Variants in SWT1 observed in about 807,000 individuals in gnomAD.
SWT1 encodes SWT1 RNA endoribonuclease homolog.
A neutral mutation model predicts 107.3 loss-of-function variants in SWT1; 33 were observed. That is an observed-to-expected ratio of 0.31 (90% CI 0.23 to 0.41). The LOEUF (loss-of-function observed/expected upper bound fraction) is 0.41. Among genes scored for constraint, SWT1 ranks in the 10% least tolerant of loss-of-function variants. The pLI is 1.00. For missense variants in SWT1, 898 were observed against 1,028.9 expected, an observed-to-expected ratio of 0.87 and a Z score of 1.74; for synonymous variants, 345 against 348.3, an observed-to-expected ratio of 0.99 and a Z score of 0.11.
intron 16 of SWT1, among the ~76,000 whole-genome samples, chr1:185,233,766 C>T (rs775588145): frequency 1.1e-4 from 16 of 152,160 alleles, no homozygotes; most frequent in African/African-American, 1.9e-4. Context: ...TTTTTTGAGA[C>T]GGAGTCTTGC....
chr1:185,264,271 CATTTT>C, intron 16 of SWT1: 1 of 838,994 alleles, frequency 1.2e-6, no homozygotes, highest in Non-Finnish European at 1.4e-6. Flanking sequence ...TTTTGCTTTT[CATTTT>C]TCTTGATTTC....
intron 18 of SWT1, among the ~76,000 whole-genome samples, chr1:185,289,349 AG>A (rs1665121982): frequency 6.6e-6 from 1 of 152,254 alleles, no homozygotes; most frequent in African/African-American, 2.4e-5. Context: ...TGCCACCAAC[AG>A]GCAAAGCTGG....
rs201395807 is a variant in SWT1 at position 185,174,489 on chromosome 1, T to A, written c.342T>A (p.Ser114Arg). ...ATGATAATCAAATTATTTTGCAGAG[T>A]CCTTCTTCAAATGGAACTAAAAAAG... The part of the protein sequence containing the change: ...YSNDNQIILQ[S>R]PSSNGTKKDI... Residue 114 changes from serine (S) to arginine (R), a missense_variant, in exon 5 of 19, where the codon AGT becomes AGA. Transcript: ENST00000367500. 2.1e-5 allele frequency: 34 copies of A among 1,611,188 alleles called. No homozygotes were observed. The highest frequency in any genetic ancestry group is 2.5e-5 in the Non-Finnish European group (29 of 1,179,140).
intron 16 of SWT1, among the ~76,000 whole-genome samples, chr1:185,248,858 A>C (rs911385619): frequency 6.6e-6 from 1 of 151,728 alleles, no homozygotes; most frequent in South Asian, 2.1e-4. Flanking sequence ...AATAAATTCC[A>C]TACCATATGG....
intron 16 of SWT1, among the ~76,000 whole-genome samples, chr1:185,254,777 C>A (rs1281480773): frequency 6.7e-6 from 1 of 150,018 alleles, no homozygotes; most frequent in Non-Finnish European, 1.5e-5. Flanking sequence ...GTCTCTATTT[C>A]CTTCAGTTCT....
In SWT1 at chr1:185,182,156, A is replaced by G. The variant is rs1030640889; in HGVS notation, c.1138+99A>G. On this transcript the variant is annotated intron_variant, in intron 7 of 18. Transcript: ENST00000367500. ...TAATATTTAGATGAAAAATGTTAAA[A>G]TGTGCTCACTTGAAATGAATGATAA... is the stretch of plus-strand genomic sequence containing the variant. 2.4e-6 allele frequency: 3 copies of G among 1,231,178 alleles called. No homozygotes were observed. In the African/African-American group the frequency reaches 4.5e-5, roughly 19 times the overall value. 76.3% of individuals were successfully genotyped at this position (1,231,178 alleles called of 1,614,324 possible).
chr1:185,231,486 CTACTT>C lies in SWT1; in HGVS notation c.2310-83_2310-79del, dbSNP rs572774481. 631 of 896,118 alleles carry C rather than the reference CTACTT, an allele frequency of 7.0e-4. No homozygotes were observed. In the African/African-American group the frequency reaches 9.1e-3, roughly 13 times the overall value. The allele number at this position is 896,118 out of a possible 1,614,324, so 55.5% of individuals were successfully genotyped here. On this transcript the variant is annotated intron_variant, in intron 15 of 18. Coordinates refer to ENST00000367500, the MANE Select transcript of SWT1 (RefSeq NM_017673.7). ...TCTGAGAGATTAGTGATAATAAATA[CTACTT>C]TACTTTATACATTTGCAGCTGAAAT...
At chr1:185,222,589 T>G (rs1659745519) in intron 15 of SWT1, among the ~76,000 whole-genome samples, 1 of 151,158 alleles carries the variant, frequency 6.6e-6, no homozygotes, top group African/African-American at 2.4e-5. Flanking sequence ...AAACCCCATC[T>G]CTACTGAAAA....
intron 13 of SWT1, among the ~76,000 whole-genome samples, chr1:185,209,932 T>C (rs1658642053): frequency 6.6e-6 from 1 of 152,220 alleles, no homozygotes; most frequent in South Asian, 2.1e-4. Flanking sequence ...TGGTATGAGA[T>C]GGTATCTCAT....
At chr1:185,179,802 C>T (rs1655869613) in intron 5 of SWT1, among the ~76,000 whole-genome samples, 1 of 152,168 alleles carries the variant, frequency 6.6e-6, no homozygotes, top group African/African-American at 2.4e-5. Flanking sequence ...TAAAATGGAG[C>T]TTCTCTATTC....
At chr1:185,167,091 AG>A (rs1162132704) in intron 3 of SWT1, among the ~76,000 whole-genome samples, 1 of 152,112 alleles carries the variant, frequency 6.6e-6, no homozygotes, top group Non-Finnish European at 1.5e-5. Flanking sequence ...TATTTTTAGT[AG>A]AGAAAGGGTT....
chr1:185,223,112 T>G (rs994383261), intron 15 of SWT1, among the ~76,000 whole-genome samples: 1 of 152,232 alleles, frequency 6.6e-6, no homozygotes, highest in African/African-American at 2.4e-5. Flanking sequence ...TTTAATTTTT[T>G]GAGGAACCTC....
intron 15 of SWT1, among the ~76,000 whole-genome samples, chr1:185,224,178 C>T (rs1055523812): frequency 6.6e-6 from 1 of 152,164 alleles, no homozygotes; most frequent in South Asian, 2.1e-4. Flanking sequence ...CTGTTGTTTC[C>T]TTCACTGTGT....
intron 18 of SWT1, among the ~76,000 whole-genome samples, chr1:185,277,264 A>G (rs191099523): frequency 1.0e-4 from 15 of 150,160 alleles, no homozygotes; most frequent in African/African-American, 3.2e-4. Flanking sequence ...TTATTTATTT[A>G]TTTGTTTATT....
intron 1 of SWT1, among the ~76,000 whole-genome samples, chr1:185,158,413 G>A (rs1184703280): frequency 6.6e-6 from 1 of 151,556 alleles, no homozygotes; most frequent in Admixed American, 6.6e-5. Context: ...GTTGACTCAT[G>A]GCTCAACAGT....
At chr1:185,231,956 T>G (rs547982747) in intron 16 of SWT1, among the ~76,000 whole-genome samples, 62 of 152,336 alleles carry the variant, frequency 4.1e-4, no homozygotes, top group African/African-American at 1.4e-3. Flanking sequence ...AATACTGTTC[T>G]TTGTAAATTA....
At chr1:185,167,884 T>G (rs549954791) in intron 3 of SWT1, among the ~76,000 whole-genome samples, 1 of 152,350 alleles carries the variant, frequency 6.6e-6, no homozygotes, top group African/African-American at 2.4e-5. Flanking sequence ...TTGAACTGTT[T>G]TAGCACTTTT....
At chr1:185,214,896 T>C (rs1283090733) in intron 14 of SWT1, among the ~76,000 whole-genome samples, 1 of 152,190 alleles carries the variant, frequency 6.6e-6, no homozygotes, top group Non-Finnish European at 1.5e-5. Context: ...TTATTTTCAC[T>C]TATGGATGGA....
At chr1:185,160,976 T>C in intron 2 of SWT1, 51 bp downstream of exon 2, 1 of 1,386,278 alleles carries the variant, frequency 7.2e-7, no homozygotes, top group Non-Finnish European at 1.0e-6. Flanking sequence ...TTATTTTTGC[T>C]TAATGAAAAA....
Sources: gnomAD v4.1 joint callset for allele counts (sites outside exome capture counted in the v4.1 genomes callset) on GRCh38, gnomAD v4.1.1 for gene constraint, MANE v1.5 for transcripts, NCBI Gene and HGNC (gene_info 2026-07-23, HGNC 2026-07-21) for gene names.